The following SCFD2 variants were observed in gnomAD, a reference collection of about 807,000 sequenced individuals.
SCFD2 encodes the protein sec1 family domain-containing protein 2.
Under a neutral mutation model 58.9 loss-of-function variants are expected in SCFD2, and 54 were observed. The ratio of observed to expected loss-of-function variants is 0.92; its 90% CI spans 0.74 to 1.15. The LOEUF (loss-of-function observed/expected upper bound fraction) is 1.15. Among genes scored for constraint, SCFD2 ranks in the 50% most tolerant of loss-of-function variants. SCFD2 has a pLI of 0.00. For synonymous variants in SCFD2, 321 were observed against 335.9 expected, an observed-to-expected ratio of 0.96 and a Z score of 0.49; for missense variants, 805 against 836.6, an observed-to-expected ratio of 0.96 and a Z score of 0.47.
At chr4:53,291,820 A>G (rs1352056758) in intron 3 of SCFD2, among the ~76,000 whole-genome samples, 2 of 152,092 alleles carry the variant, frequency 1.3e-5, no homozygotes, top group African/African-American at 4.8e-5. Flanking sequence ...CTCAGAAATA[A>G]GACCACACAT....
At chr4:52,989,483 T>C (rs910924368) in intron 5 of SCFD2, among the ~76,000 whole-genome samples, 1 of 152,210 alleles carries the variant, frequency 6.6e-6, no homozygotes, top group Non-Finnish European at 1.5e-5. Flanking sequence ...GTTCAACTTA[T>C]GATAAAGACA....
At chr4:53,303,156 G>A (rs1460077408) in intron 3 of SCFD2, among the ~76,000 whole-genome samples, 3 of 152,160 alleles carry the variant, frequency 2.0e-5, no homozygotes, top group African/African-American at 7.2e-5. Context: ...CCATCAGAGT[G>A]AACAGGCAAC....
intron 4 of SCFD2, among the ~76,000 whole-genome samples, chr4:53,215,063 G>T (rs1013183183): frequency 6.6e-6 from 1 of 152,114 alleles, no homozygotes; most frequent in African/African-American, 2.4e-5. Flanking sequence ...TAGCCTTGTA[G>T]TATAGTTTGA....
At chr4:52,978,763 C>G (rs549505644) in intron 5 of SCFD2, among the ~76,000 whole-genome samples, 2 of 152,010 alleles carry the variant, frequency 1.3e-5, no homozygotes, top group East Asian at 3.9e-4. Flanking sequence ...CAGAGCAAGC[C>G]CCAGAATATA....
chr4:53,258,567 TATATATATATAC>T (rs1459837019), intron 4 of SCFD2, among the ~76,000 whole-genome samples: 5 of 80,760 alleles, frequency 6.2e-5, no homozygotes, highest in African/African-American at 1.6e-4. Flanking sequence ...TATATATATA[TATATATATATAC>T]ACACACATAT....
Position 53,342,907 on chromosome 4 carries a change from C to T in SCFD2, c.1007+9691G>A, listed in dbSNP as rs192484148. Reference sequence around the variant, plus strand: ...CAGAAATAAAGATGTTCTTTGAAACCAATGAGAACAGAGACACAACATACC... The same window carrying T: ...CAGAAATAAAGATGTTCTTTGAAACTAATGAGAACAGAGACACAACATACC... On this transcript the variant is annotated intron_variant, in intron 2 of 8. Transcript: ENST00000401642. Among the ~76,000 whole-genome samples the T allele has an allele frequency of 4.8e-3, 724 of 152,216 alleles. 1 individual carries two copies. Among genetic ancestry groups the T allele is most frequent in the South Asian group, 8.5e-3 (41 of 4,824 alleles).
At chr4:53,179,499 A>G (rs1193244662) in intron 4 of SCFD2, among the ~76,000 whole-genome samples, 1 of 152,228 alleles carries the variant, frequency 6.6e-6, no homozygotes, top group Non-Finnish European at 1.5e-5. Context: ...CTCCTGAAGG[A>G]AGCACTAAAG....
At chr4:53,158,873 A>C (rs559138828) in intron 4 of SCFD2, among the ~76,000 whole-genome samples, 2 of 152,148 alleles carry the variant, frequency 1.3e-5, no homozygotes, top group Admixed American at 1.3e-4. Flanking sequence ...CCCTGCCTAG[A>C]CTGTTCTTTT....
chr4:53,303,358 T>C (rs946683653), intron 3 of SCFD2, among the ~76,000 whole-genome samples: 1 of 152,180 alleles, frequency 6.6e-6, no homozygotes, highest in African/African-American at 2.4e-5. Flanking sequence ...AAAATGCTCA[T>C]CATCACTGGT....
At chr4:53,002,180 G>A (rs1484862038) in intron 5 of SCFD2, among the ~76,000 whole-genome samples, 1 of 152,142 alleles carries the variant, frequency 6.6e-6, no homozygotes, top group African/African-American at 2.4e-5. Context: ...AGAAACACAC[G>A]AATAAGGGGA....
At position 53,172,483 on chromosome 4, in the gene SCFD2, T is replaced by C. The variant is rs62325036; in HGVS notation, c.1312-26901A>G. On this transcript the variant is annotated intron_variant, in intron 4 of 8. Transcript: ENST00000401642. ...TGTTTGATATAGGTGTTTATTGCTA[T>C]AAACTTCCCTATTAGAGCTACTTTT... Among the ~76,000 whole-genome samples, 1,074 of 152,348 alleles carry C rather than the reference T, an allele frequency of 7.0e-3. 5 individuals are homozygous for C. Among genetic ancestry groups the C allele is most frequent in the South Asian group, 0.022 (104 of 4,830 alleles).
chr4:53,091,978 A>G (rs1455644068), intron 5 of SCFD2, among the ~76,000 whole-genome samples: 1 of 152,178 alleles, frequency 6.6e-6, no homozygotes, highest in Non-Finnish European at 1.5e-5. Flanking sequence ...TCCAGAGTCA[A>G]TATCAGTATC....
At chr4:53,009,992 G>A (rs1034601140) in intron 5 of SCFD2, among the ~76,000 whole-genome samples, 1 of 152,162 alleles carries the variant, frequency 6.6e-6, no homozygotes, top group African/African-American at 2.4e-5. Context: ...TGCACTGAGA[G>A]CTTGGAGCAC....
intron 4 of SCFD2, among the ~76,000 whole-genome samples, chr4:53,269,308 A>T (rs1731088521): frequency 6.6e-6 from 1 of 152,170 alleles, no homozygotes; most frequent in South Asian, 2.1e-4. Context: ...TGGGTGATAG[A>T]GTGAGACCCT....
At chr4:53,248,470 G>C (rs1378712020) in intron 4 of SCFD2, among the ~76,000 whole-genome samples, 14 of 152,236 alleles carry the variant, frequency 9.2e-5, no homozygotes, top group Admixed American at 9.2e-4. Flanking sequence ...TCTAGGGGCA[G>C]GGCACAGACA....
At chr4:53,334,307 T>C (rs1171503808) in intron 2 of SCFD2, among the ~76,000 whole-genome samples, 4 of 152,184 alleles carry the variant, frequency 2.6e-5, no homozygotes, top group Non-Finnish European at 5.9e-5. Flanking sequence ...CACACGTATG[T>C]TTATTGTGGC....
At chr4:53,292,015 A>G (rs1731857469) in intron 3 of SCFD2, among the ~76,000 whole-genome samples, 2 of 152,000 alleles carry the variant, frequency 1.3e-5, no homozygotes, top group African/African-American at 2.4e-5. Flanking sequence ...TTAATTCAAA[A>G]TGAATTAATT....
At chr4:53,272,651 T>C (rs1577920009) in intron 4 of SCFD2, among the ~76,000 whole-genome samples, 2 of 133,056 alleles carry the variant, frequency 1.5e-5, no homozygotes, top group Non-Finnish European at 3.1e-5. Flanking sequence ...AATTGAAAAA[T>C]GAGAATACAT....
chr4:52,992,218 G>A (rs1260134259), intron 5 of SCFD2, among the ~76,000 whole-genome samples: 2 of 152,186 alleles, frequency 1.3e-5, no homozygotes, highest in Non-Finnish European at 1.5e-5. Context: ...TGGTGGAGAC[G>A]GGGTTTCGCT....
Sources: allele counts gnomAD v4.1 joint callset (sites outside exome capture counted in the v4.1 genomes callset), GRCh38; gene constraint gnomAD v4.1.1; transcripts MANE v1.5; gene names NCBI Gene and HGNC (gene_info 2026-07-23, HGNC 2026-07-21).